The following LINGO2 variants were observed in gnomAD, a reference collection of about 807,000 sequenced individuals.
LINGO2 encodes the protein leucine-rich repeat and immunoglobulin-like domain-containing nogo receptor-interacting protein 2.
LINGO2 carries 14 observed loss-of-function variants against 30.6 expected under a neutral mutation model. That is an observed-to-expected ratio of 0.46 (90% CI 0.30 to 0.72). The LOEUF (loss-of-function observed/expected upper bound fraction) is 0.72, where lower values mean the gene tolerates loss of function less well. Ranked by LOEUF, LINGO2 falls within the 30% of genes least tolerant of loss-of-function variation. The pLI, the probability that LINGO2 is intolerant of heterozygous loss-of-function variation, is 0.07. For synonymous variants in LINGO2, 317 were observed against 288.5 expected (o/e 1.10, Z -1.00); for missense variants, 729 against 751.7 (o/e 0.97, Z 0.35).
At chr9:29,042,846 GT>G in the LINGO2 span, among the ~76,000 whole-genome samples, 1 of 151,826 alleles carries the variant, frequency 6.6e-6, no homozygotes, top group East Asian at 1.9e-4. Context: ...CATAACATAT[GT>G]TTTTATTACT....
At chr9:28,783,832 A>C in the LINGO2 span, among the ~76,000 whole-genome samples, 741 of 152,334 alleles carry the variant, frequency 4.9e-3, 4 homozygotes, top group Middle Eastern at 0.01. Context: ...GAAGCTGCAC[A>C]GTTCAAGATC....
chr9:28,226,025 C>T (rs1821132505), intron 4 of LINGO2, among the ~76,000 whole-genome samples: 1 of 152,100 alleles, frequency 6.6e-6, no homozygotes, highest in Admixed American at 6.6e-5. Flanking sequence ...ATCTACATAA[C>T]ACCAGAAGTT....
chr9:28,118,922 T>C (rs932381926), intron 4 of LINGO2, among the ~76,000 whole-genome samples: 1 of 152,192 alleles, frequency 6.6e-6, no homozygotes, highest in African/African-American at 2.4e-5. Context: ...ACATCTTATA[T>C]AGAAGTTGAT....
intron 4 of LINGO2, among the ~76,000 whole-genome samples, chr9:28,042,766 C>T (rs77978039): frequency 0.015 from 2,253 of 152,106 alleles, 41 homozygotes; most frequent in African/African-American, 0.052. Flanking sequence ...TTATTCTTCC[C>T]CTCTCCCCCA....
At chr9:28,199,940 G>T (rs1432723138) in intron 4 of LINGO2, among the ~76,000 whole-genome samples, 2 of 147,568 alleles carry the variant, frequency 1.4e-5, no homozygotes, top group Non-Finnish European at 3.0e-5. Context: ...AAAGAACTTC[G>T]TGGTTATTTT....
At chr9:29,059,069 A>T in the LINGO2 span, among the ~76,000 whole-genome samples, 11 of 152,006 alleles carry the variant, frequency 7.2e-5, no homozygotes, top group Admixed American at 1.3e-4. Context: ...AATAGTATGG[A>T]TGAATCTAAC....
chr9:27,992,010 A>T (rs1821421749), intron 5 of LINGO2, among the ~76,000 whole-genome samples: 1 of 151,778 alleles, frequency 6.6e-6, no homozygotes, highest in South Asian at 2.1e-4. Context: ...CTAAACCCAA[A>T]CCCTGACTAT....
the LINGO2 span, among the ~76,000 whole-genome samples, chr9:28,922,361 T>C: frequency 6.6e-6 from 1 of 151,644 alleles, no homozygotes; most frequent in Non-Finnish European, 1.5e-5. Context: ...GTACAGTTAC[T>C]CTGCAAAGAG....
chr9:28,997,474 C>T, the LINGO2 span, among the ~76,000 whole-genome samples: 7 of 152,048 alleles, frequency 4.6e-5, 1 homozygote, highest in Admixed American at 6.6e-5. Flanking sequence ...TTGTTAAATA[C>T]TATGATGTGA....
chr9:28,134,969 C>T (rs1442881876), intron 4 of LINGO2, among the ~76,000 whole-genome samples: 2 of 152,272 alleles, frequency 1.3e-5, no homozygotes, highest in East Asian at 3.9e-4. Flanking sequence ...AAGAGAGACC[C>T]TTGAGCTGCA....
chr9:28,406,156 C>T (rs567515831), intron 2 of LINGO2, among the ~76,000 whole-genome samples: 6 of 152,074 alleles, frequency 3.9e-5, no homozygotes, highest in South Asian at 2.1e-4. Context: ...CTGGAATGTG[C>T]GGCTGGGTGC....
the LINGO2 span, among the ~76,000 whole-genome samples, chr9:28,985,552 C>T: frequency 6.6e-6 from 1 of 152,024 alleles, no homozygotes; most frequent in Non-Finnish European, 1.5e-5. Flanking sequence ...TTGATAACAG[C>T]CATTCCCACA....
At chr9:28,016,790 G>GAA (rs932459842) in intron 4 of LINGO2, among the ~76,000 whole-genome samples, 1 of 151,710 alleles carries the variant, frequency 6.6e-6, no homozygotes, top group African/African-American at 2.4e-5. Context: ...CAATCCTACG[G>GAA]AAAATAGTCC....
the LINGO2 span, among the ~76,000 whole-genome samples, chr9:28,974,069 A>T: frequency 3.3e-5 from 5 of 152,354 alleles, 1 homozygote; most frequent in African/African-American, 1.2e-4. Context: ...GAACCAATTC[A>T]AAATAGTAAC....
intron 1 of LINGO2, among the ~76,000 whole-genome samples, chr9:28,640,657 G>A (rs1190796450): frequency 6.6e-6 from 1 of 151,870 alleles, no homozygotes; most frequent in Admixed American, 6.6e-5. Flanking sequence ...TAGTTCTCGT[G>A]CCATGGTTTT....
intron 2 of LINGO2, among the ~76,000 whole-genome samples, chr9:28,396,768 A>ATG (rs1564173725): frequency 3.1e-5 from 2 of 64,076 alleles, no homozygotes; most frequent in Non-Finnish European, 7.7e-5. Context: ...TGGGAGAACA[A>ATG]TATTTCAGGC....
intron 4 of LINGO2, among the ~76,000 whole-genome samples, chr9:28,278,193 A>G (rs1341287109): frequency 5.3e-5 from 8 of 152,224 alleles, no homozygotes; most frequent in Non-Finnish European, 1.0e-4. Context: ...ACACTAGCAG[A>G]GGCTGGCTCA....
intron 4 of LINGO2, among the ~76,000 whole-genome samples, chr9:28,029,363 T>C (rs886503360): frequency 6.6e-6 from 1 of 152,132 alleles, no homozygotes; most frequent in African/African-American, 2.4e-5. Flanking sequence ...GGCCAATATA[T>C]TGACAAACAC....
chr9:28,072,889 G>T lies in LINGO2; in HGVS notation c.-86-60484C>A, dbSNP rs190462866. On this transcript the variant is annotated intron_variant, in intron 4 of 5. Transcript: ENST00000379992. Reference sequence around the variant, plus strand: ...GTGCTTTTAGGCACTCTGATAGCACGATATGCCATCTGCGGTTTTCTCTCT... The same window carrying T: ...GTGCTTTTAGGCACTCTGATAGCACTATATGCCATCTGCGGTTTTCTCTCT... 2.0e-5 allele frequency among the ~76,000 whole-genome samples: 3 copies of T among 151,974 alleles called. No homozygotes were observed. The East Asian group carries it at 5.8e-4, about 30-fold the overall frequency.
Sources: gnomAD v4.1 joint callset for allele counts (sites outside exome capture counted in the v4.1 genomes callset) on GRCh38, gnomAD v4.1.1 for gene constraint, MANE v1.5 for transcripts, NCBI Gene and HGNC (gene_info 2026-07-23, HGNC 2026-07-21) for gene names.